The following NBEA variants were observed in gnomAD, a reference collection of about 807,000 sequenced individuals.
NBEA encodes the protein lysosomal-trafficking regulator 2.
NBEA carries 44 observed loss-of-function variants against 343.4 expected under a neutral mutation model. The ratio of observed to expected loss-of-function variants is 0.13; its 90% CI spans 0.10 to 0.16. NBEA has a LOEUF of 0.16. Ranked by LOEUF, NBEA falls within the 10% of genes least tolerant of loss-of-function variation. The probability of loss-of-function intolerance (pLI) is 1.00; values close to 1 mark genes in which losing one functional copy is unlikely to be tolerated. For missense variants in NBEA, 2,555 were observed against 3,631.3 expected (o/e 0.70, Z 7.62); for synonymous variants, 1,175 against 1,238.7 (o/e 0.95, Z 1.08).
intron 38 of NBEA, among the ~76,000 whole-genome samples, chr13:35,427,461 T>C (rs1420843619): frequency 2.0e-5 from 3 of 152,144 alleles, no homozygotes; most frequent in African/African-American, 7.2e-5. Context: ...ATTGGTGAAC[T>C]GCAAATGCTG....
intron 8 of NBEA, among the ~76,000 whole-genome samples, chr13:35,065,278 T>A (rs1343367193): frequency 1.3e-5 from 2 of 152,052 alleles, no homozygotes; most frequent in Non-Finnish European, 2.9e-5. Flanking sequence ...TTAAATATGC[T>A]ACTAATTTTT....
intron 41 of NBEA, among the ~76,000 whole-genome samples, chr13:35,501,419 A>G (rs2076883516): frequency 2.0e-5 from 3 of 152,146 alleles, no homozygotes. Context: ...TGTGATATAT[A>G]TGACTGTTAA....
Position 35,522,180 on chromosome 13 carries a change from G to A in NBEA, c.6586-28297G>A, listed in dbSNP as rs895923807. 2.0e-5 allele frequency among the ~76,000 whole-genome samples: 3 copies of A among 151,992 alleles called. No homozygotes were observed. The East Asian group carries it at 5.8e-4, about 30-fold the overall frequency. On this transcript the variant is annotated intron_variant, in intron 41 of 58. Coordinates refer to ENST00000379939, the MANE Select transcript of NBEA (RefSeq NM_001385012.1). ...ATAGGATGCTGGGGGTGGTTGGCTG[G>A]GCACGGTGGCTCATGCCTGTAATCC... is the stretch of plus-strand genomic sequence containing the variant.
intron 40 of NBEA, 83 bp downstream of exon 40, chr13:35,452,318 A>G (rs984712635): frequency 3.1e-6 from 3 of 965,444 alleles, no homozygotes; most frequent in Non-Finnish European, 4.8e-6. Flanking sequence ...TAGTAAATAA[A>G]TGTGTGCCAA....
At chr13:35,001,846 T>C (rs1170906900) in intron 1 of NBEA, among the ~76,000 whole-genome samples, 1 of 152,174 alleles carries the variant, frequency 6.6e-6, no homozygotes, top group Admixed American at 6.5e-5. Flanking sequence ...TGAAAAATGT[T>C]GAAAGTGATA....
chr13:35,274,076 A>T (rs1353717764), intron 34 of NBEA, among the ~76,000 whole-genome samples: 14 of 152,134 alleles, frequency 9.2e-5, no homozygotes, highest in Admixed American at 9.2e-4. Context: ...AGAATTTTAG[A>T]CCAATATCCT....
intron 1 of NBEA, among the ~76,000 whole-genome samples, chr13:35,037,391 T>C (rs545884584): frequency 6.6e-6 from 1 of 152,332 alleles, no homozygotes; most frequent in East Asian, 1.9e-4. Flanking sequence ...TTCTCCAGGA[T>C]TGATTCTTGG....
intron 20 of NBEA, among the ~76,000 whole-genome samples, chr13:35,156,416 T>G (rs2069178663): frequency 1.3e-5 from 2 of 152,244 alleles, no homozygotes; most frequent in African/African-American, 4.8e-5. Context: ...ATATTATATT[T>G]TAATTGTATA....
At chr13:35,108,576 G>C (rs2066033533) in intron 11 of NBEA, among the ~76,000 whole-genome samples, 2 of 152,062 alleles carry the variant, frequency 1.3e-5, no homozygotes, top group Admixed American at 1.3e-4. Flanking sequence ...AATATTCTGA[G>C]CTGGAAAAAC....
chr13:35,311,668 A>G (rs946665787), intron 36 of NBEA, among the ~76,000 whole-genome samples: 1 of 152,180 alleles, frequency 6.6e-6, no homozygotes, highest in African/African-American at 2.4e-5. Context: ...GGTCTGGCTA[A>G]CATGGTGAAA....
chr13:35,143,782 C>T (rs1053529646), intron 18 of NBEA, among the ~76,000 whole-genome samples: 1 of 151,844 alleles, frequency 6.6e-6, no homozygotes, highest in Non-Finnish European at 1.5e-5. Context: ...GGCAGGAGGA[C>T]TGCTTGATCC....
chr13:35,240,653 A>AT (rs146180514), intron 34 of NBEA, among the ~76,000 whole-genome samples: 7,006 of 151,314 alleles, frequency 0.046, 193 homozygotes, highest in South Asian at 0.079. Flanking sequence ...CTTAAAAGAG[A>AT]TTTTTTTTTA....
chr13:35,580,140 C>T (rs1485303711), intron 45 of NBEA, among the ~76,000 whole-genome samples: 1 of 151,864 alleles, frequency 6.6e-6, no homozygotes, highest in Non-Finnish European at 1.5e-5. Context: ...TTCATTTTTG[C>T]ATTTTTTGCA....
intron 47 of NBEA, among the ~76,000 whole-genome samples, chr13:35,600,109 A>G (rs2081981847): frequency 6.6e-6 from 1 of 152,218 alleles, no homozygotes; most frequent in Non-Finnish European, 1.5e-5. Flanking sequence ...TTTTTAAGAA[A>G]AAAAGAAGAG....
At chr13:35,056,564 T>C (rs1007558784) in intron 7 of NBEA, among the ~76,000 whole-genome samples, 2 of 152,050 alleles carry the variant, frequency 1.3e-5, no homozygotes, top group Non-Finnish European at 2.9e-5. Context: ...AGCAAGATGG[T>C]CCAGAGATGA....
chr13:35,572,815 T>A (rs564699384), intron 45 of NBEA, among the ~76,000 whole-genome samples: 3 of 152,142 alleles, frequency 2.0e-5, no homozygotes, highest in African/African-American at 7.2e-5. Context: ...CTCACTACAA[T>A]CTCAACTAGA....
intron 14 of NBEA, 28 bp from the exon 15 acceptor site, chr13:35,118,200 A>T (rs1173419234): frequency 6.0e-6 from 8 of 1,334,640 alleles, no homozygotes; most frequent in Non-Finnish European, 8.1e-6. Flanking sequence ...TTTAGATGTA[A>T]AGTAATAAAA....
intron 48 of NBEA, among the ~76,000 whole-genome samples, chr13:35,620,914 A>G (rs1189348548): frequency 6.6e-6 from 1 of 152,168 alleles, no homozygotes; most frequent in Non-Finnish European, 1.5e-5. Flanking sequence ...AGTGATGGCT[A>G]CAGCAGCAGA....
chr13:35,546,400 G>A (rs1433929055), intron 41 of NBEA, among the ~76,000 whole-genome samples: 1 of 151,822 alleles, frequency 6.6e-6, no homozygotes, highest in Non-Finnish European at 1.5e-5. Context: ...AGGAGGTGGA[G>A]GTTGCATGAG....
Sources: allele counts gnomAD v4.1 joint callset (sites outside exome capture counted in the v4.1 genomes callset), GRCh38; gene constraint gnomAD v4.1.1; transcripts MANE v1.5; gene names NCBI Gene and HGNC (gene_info 2026-07-23, HGNC 2026-07-21).